Variants in SSBP3 observed in about 807,000 individuals in gnomAD.
The protein encoded by SSBP3 is single-stranded DNA-binding protein 3.
A neutral mutation model predicts 69.6 loss-of-function variants in SSBP3; 5 were observed. The ratio of observed to expected loss-of-function variants is 0.07; its 90% CI spans 0.04 to 0.15. The LOEUF is 0.15. Ranked by LOEUF, SSBP3 falls within the 10% of genes least tolerant of loss-of-function variation. SSBP3 has a pLI of 1.00. For synonymous variants in SSBP3, 196 were observed against 193.4 expected, an observed-to-expected ratio of 1.01 and a Z score of -0.11; for missense variants, 312 against 534.0, an observed-to-expected ratio of 0.58 and a Z score of 4.10.
chr1:54,266,060 A>G lies in SSBP3; in HGVS notation c.367-7911T>C, dbSNP rs185807765. 3.9e-5 allele frequency among the ~76,000 whole-genome samples: 6 copies of G among 152,376 alleles called. No homozygotes were observed. In the East Asian group the frequency reaches 1.2e-3, roughly 29 times the overall value. On this transcript the variant is annotated intron_variant, in intron 5 of 17. Coordinates refer to ENST00000610401, the Ensembl canonical transcript of SSBP3. ...AGGAAACATGGCAAACGAAAAGTAT[A>G]GGCAGCGTCCAAAACCTAACGCATA...
chr1:54,364,107 A>T lies in SSBP3; in HGVS notation c.276+37754T>A, dbSNP rs192407237. Among the ~76,000 whole-genome samples, 203 of 152,354 alleles carry T rather than the reference A, an allele frequency of 1.3e-3. 8 individuals carry two copies. The South Asian group carries it at 0.027, about 20-fold the overall frequency. On this transcript the variant is annotated intron_variant, in intron 4 of 17. Coordinates refer to ENST00000610401, the Ensembl canonical transcript of SSBP3. ...TAGGTTGGCAAACCAGTAAGGCCCA[A>T]GGGCCTTACTTATACCACCTGTATT...
chr1:54,320,300 A>G (rs890634329), intron 4 of SSBP3, among the ~76,000 whole-genome samples: 4 of 152,218 alleles, frequency 2.6e-5, no homozygotes, highest in Non-Finnish European at 5.9e-5. Flanking sequence ...AGACAGGCAA[A>G]GGCAGATTAT....
intron 9 of SSBP3, among the ~76,000 whole-genome samples, chr1:54,244,828 G>A (rs556622115): frequency 6.6e-6 from 1 of 152,014 alleles, no homozygotes; most frequent in South Asian, 2.1e-4. Flanking sequence ...CCACCCCTTC[G>A]GGCTGACTGC....
Position 54,244,179 on chromosome 1 carries a change from C to G in SSBP3, c.652-880G>C, listed in dbSNP as rs1049439985. On this transcript the variant is annotated intron_variant, in intron 9 of 17. Coordinates refer to ENST00000610401, the Ensembl canonical transcript of SSBP3. ...AGAGCAGTGGCATGATCTCGGTTCACTGCAACCTCCACCTCCCAGGTTCAA... is the reference window on the plus strand; with the variant it reads ...AGAGCAGTGGCATGATCTCGGTTCAGTGCAACCTCCACCTCCCAGGTTCAA... 2.6e-5 allele frequency among the ~76,000 whole-genome samples: 4 copies of G among 152,266 alleles called. No homozygotes were observed. In the East Asian group the frequency reaches 7.7e-4, roughly 29 times the overall value.
chr1:54,411,427 G>A (rs1235304223), intron 1 of SSBP3, among the ~76,000 whole-genome samples: 2 of 150,464 alleles, frequency 1.3e-5, no homozygotes, highest in East Asian at 2.0e-4. Flanking sequence ...GCAGTGAGCC[G>A]AGCTCGCACC....
chr1:54,325,788 G>A (rs545122844), intron 4 of SSBP3, among the ~76,000 whole-genome samples: 128 of 152,262 alleles, frequency 8.4e-4, no homozygotes, highest in African/African-American at 3.0e-3. Flanking sequence ...CATTAGAGGC[G>A]CTACTGTTTT....
chr1:54,260,760 A>G (rs3766436), intron 5 of SSBP3, among the ~76,000 whole-genome samples: 62,112 of 151,900 alleles, frequency 0.41, 12,821 homozygotes, highest in South Asian at 0.48. Flanking sequence ...CATGGGGAAC[A>G]AGCTGTTAAA....
At chr1:54,232,850 C>T (rs1204614740) in intron 14 of SSBP3, among the ~76,000 whole-genome samples, 1 of 152,212 alleles carries the variant, frequency 6.6e-6, no homozygotes, top group Non-Finnish European at 1.5e-5. Context: ...CCCGAGGTGC[C>T]GGGATTGCAG....
At chr1:54,372,425 C>G (rs943321814) in intron 4 of SSBP3, among the ~76,000 whole-genome samples, 2 of 152,188 alleles carry the variant, frequency 1.3e-5, no homozygotes, top group African/African-American at 4.8e-5. Context: ...AGCAGCAACA[C>G]CCCCTCCAGG....
chr1:54,337,497 T>C (rs1265251058), intron 4 of SSBP3, among the ~76,000 whole-genome samples: 1 of 125,940 alleles, frequency 7.9e-6, no homozygotes, highest in Non-Finnish European at 1.6e-5. Context: ...TTTTTTTTTT[T>C]TTTTTTTTTT....
chr1:54,364,723 A>G (rs781444464), intron 4 of SSBP3, among the ~76,000 whole-genome samples: 1 of 152,138 alleles, frequency 6.6e-6, no homozygotes, highest in Non-Finnish European at 1.5e-5. Flanking sequence ...CACACCCAAA[A>G]GCACGTGTGC....
chr1:54,393,819 A>T (rs907448809), intron 4 of SSBP3, among the ~76,000 whole-genome samples: 2 of 151,920 alleles, frequency 1.3e-5, no homozygotes, highest in Admixed American at 1.3e-4. Flanking sequence ...GAGTGCAGTG[A>T]TGCAACCTTG....
intron 6 of SSBP3, 116 bp downstream of exon 6, chr1:54,257,951 AAT>A: frequency 1.3e-5 from 12 of 937,138 alleles, no homozygotes; most frequent in Non-Finnish European, 3.0e-6. Context: ...TTAATTTGTC[AAT>A]AAAGACTCGC....
chr1:54,341,979 G>A (rs765097156), intron 4 of SSBP3, among the ~76,000 whole-genome samples: 1 of 152,222 alleles, frequency 6.6e-6, no homozygotes, highest in Non-Finnish European at 1.5e-5. Flanking sequence ...GGAGGAGGCT[G>A]GAGGGCAAAG....
At chr1:54,347,528 C>G (rs921419365) in intron 4 of SSBP3, among the ~76,000 whole-genome samples, 1 of 152,138 alleles carries the variant, frequency 6.6e-6, no homozygotes, top group African/African-American at 2.4e-5. Flanking sequence ...TTTGTTTCCC[C>G]TGAATATTTT....
At chr1:54,226,915 C>G (rs1025534412) in exon 18 of SSBP3, 30 of 573,948 alleles carry the variant, frequency 5.2e-5, no homozygotes, top group Non-Finnish European at 9.0e-5. Flanking sequence ...AGAGTTTTGT[C>G]CTTCTTGTTT....
intron 5 of SSBP3, among the ~76,000 whole-genome samples, chr1:54,267,273 C>T (rs887011829): frequency 1.3e-5 from 2 of 152,198 alleles, no homozygotes; most frequent in Non-Finnish European, 2.9e-5. Flanking sequence ...CAACAGGGCA[C>T]TCTTTTCAAG....
intron 4 of SSBP3, among the ~76,000 whole-genome samples, chr1:54,291,356 C>T (rs933722453): frequency 3.9e-5 from 6 of 152,072 alleles, no homozygotes; most frequent in Non-Finnish European, 5.9e-5. Context: ...AGGGAAGGGG[C>T]GCATAATTCA....
At chr1:54,307,452 G>A (rs1645921003) in intron 4 of SSBP3, among the ~76,000 whole-genome samples, 2 of 152,204 alleles carry the variant, frequency 1.3e-5, no homozygotes, top group African/African-American at 4.8e-5. Flanking sequence ...TTACTATGCT[G>A]TGTTTAACAC....
Sources: gnomAD v4.1 joint callset for allele counts (sites outside exome capture counted in the v4.1 genomes callset) on GRCh38, gnomAD v4.1.1 for gene constraint, MANE v1.5 for transcripts, NCBI Gene and HGNC (gene_info 2026-07-23, HGNC 2026-07-21) for gene names.